DTNB: variants seen among roughly 807,000 people sequenced by gnomAD.
DTNB encodes the protein dystrobrevin beta, also known as DTN-B.
A neutral mutation model predicts 90.7 loss-of-function variants in DTNB; 63 were observed. The observed-to-expected ratio is 0.69, with a 90% CI of 0.57 to 0.86. The LOEUF (loss-of-function observed/expected upper bound fraction) is 0.86, where lower values mean the gene tolerates loss of function less well. Among genes scored for constraint, DTNB ranks in the 40% least tolerant of loss-of-function variants. The pLI is 0.00. For missense variants in DTNB, 744 were observed against 807.1 expected (o/e 0.92, Z 0.95); for synonymous variants, 277 against 286.7 (o/e 0.97, Z 0.34).
At chr2:25,635,726 T>G (rs1395059548) in intron 3 of DTNB, among the ~76,000 whole-genome samples, 1 of 152,210 alleles carries the variant, frequency 6.6e-6, no homozygotes, top group African/African-American at 2.4e-5. Context: ...TTGGTTTTAG[T>G]AGAAATTGGC....
At chr2:25,608,198 A>C (rs568655297) in intron 4 of DTNB, among the ~76,000 whole-genome samples, 2 of 152,364 alleles carry the variant, frequency 1.3e-5, no homozygotes, top group Non-Finnish European at 2.9e-5. Context: ...AGAGTAAAAC[A>C]CTTTTGCAAT....
chr2:25,584,237 T>A (rs11126114), intron 6 of DTNB, among the ~76,000 whole-genome samples: 1 of 152,150 alleles, frequency 6.6e-6, no homozygotes, highest in East Asian at 1.9e-4. Flanking sequence ...CCAGAGACAA[T>A]GTGACGAAGC....
intron 6 of DTNB, among the ~76,000 whole-genome samples, chr2:25,583,260 AAAAT>A (rs2061827985): frequency 6.9e-6 from 1 of 144,366 alleles, no homozygotes; most frequent in African/African-American, 2.6e-5. Flanking sequence ...AAAAAAAAAA[AAAAT>A]ATATATATAT....
intron 9 of DTNB, among the ~76,000 whole-genome samples, chr2:25,504,959 CTACTAACTTTCAAAGTGGGT>C (rs1408322449): frequency 1.3e-5 from 2 of 152,204 alleles, no homozygotes; most frequent in African/African-American, 4.8e-5. Context: ...TTCAAACTTA[CTACTAACTTTCAAAGTGGGT>C]TAGTTTGCTT....
At chr2:25,652,702 G>T in intron 1 of DTNB, 41 bp from the exon 2 acceptor site, 1 of 1,588,418 alleles carries the variant, frequency 6.3e-7, no homozygotes, top group East Asian at 2.2e-5. Flanking sequence ...TGTATAATTC[G>T]ACAATTCAAT....
intron 9 of DTNB, among the ~76,000 whole-genome samples, chr2:25,498,943 T>C (rs937984492): frequency 1.3e-5 from 2 of 149,446 alleles, no homozygotes; most frequent in African/African-American, 4.9e-5. Flanking sequence ...AGGTCAGGCA[T>C]GGTGGCTCAC....
chr2:25,522,057 G>A lies in DTNB; in HGVS notation c.1001+9416C>T, dbSNP rs1373657658. Among the ~76,000 whole-genome samples the A allele has an allele frequency of 3.3e-5, 5 of 152,192 alleles. No individual in the cohort carries two copies. The East Asian group carries it at 9.6e-4, about 29-fold the overall frequency. On this transcript the variant is annotated intron_variant, in intron 9 of 20. Transcript: ENST00000406818. ...GAAAATTAGCAAGAGCAAATTGCTT[G>A]AATTCGGATCACAGGAAGCCTGTTA...
intron 16 of DTNB, among the ~76,000 whole-genome samples, chr2:25,398,237 TC>T (rs2042889572): frequency 2.0e-5 from 3 of 152,228 alleles, no homozygotes; most frequent in African/African-American, 4.8e-5. Context: ...CAGACCCTCT[TC>T]CTGGGATCAT....
At chr2:25,507,699 C>T (rs2072827862) in intron 9 of DTNB, among the ~76,000 whole-genome samples, 1 of 152,168 alleles carries the variant, frequency 6.6e-6, no homozygotes, top group Non-Finnish European at 1.5e-5. Flanking sequence ...TCTACAGCGG[C>T]CAGAAAGAAC....
intron 4 of DTNB, among the ~76,000 whole-genome samples, chr2:25,627,792 A>T (rs1446406955): frequency 6.8e-6 from 1 of 146,732 alleles, no homozygotes; most frequent in African/African-American, 2.5e-5. Context: ...GCTGGAGTGC[A>T]GTGGTGCAAT....
intron 8 of DTNB, among the ~76,000 whole-genome samples, chr2:25,545,883 A>C (rs1026933397): frequency 2.0e-5 from 3 of 152,200 alleles, no homozygotes; most frequent in Non-Finnish European, 4.4e-5. Context: ...TGGCCCCCCA[A>C]AGTGCTGGGA....
rs537251952 is a variant in DTNB, at chr2:25,565,405, T to C, written c.876+11433A>G. 1.3e-3 allele frequency among the ~76,000 whole-genome samples: 200 copies of C among 152,238 alleles called. 1 individual carries two copies. The highest frequency in any genetic ancestry group is 3.5e-3 in the Admixed American group (54 of 15,284). On this transcript the variant is annotated intron_variant, in intron 8 of 20. Coordinates refer to ENST00000406818, the MANE Select transcript of DTNB (RefSeq NM_021907.5). Reference sequence around the variant, plus strand: ...GTGTACACCACCAAGCCCAGCTATTTTTTTTTCATTATTGTTATTATTTTG... The same window carrying C: ...GTGTACACCACCAAGCCCAGCTATTCTTTTTTCATTATTGTTATTATTTTG...
chr2:25,591,149 G>A (rs1347742226), intron 6 of DTNB, among the ~76,000 whole-genome samples: 10 of 152,208 alleles, frequency 6.6e-5, no homozygotes, highest in Non-Finnish European at 2.9e-5. Flanking sequence ...GGCAGCGGGA[G>A]CAGGGAGATG....
chr2:25,613,873 G>A (rs1275240578), intron 4 of DTNB, among the ~76,000 whole-genome samples: 1 of 152,100 alleles, frequency 6.6e-6, no homozygotes, highest in Non-Finnish European at 1.5e-5. Flanking sequence ...CAGGAGAATT[G>A]CTTGAACCCA....
chr2:25,652,602 A>G lies in DTNB; in HGVS notation c.59T>C (p.Ile20Thr), dbSNP rs1559394560. Reference sequence around the variant, plus strand: ...AAGGACTCAAGACTCACGCATTTCTATGAACAGCTGCCTCTTCTCTGCCAT... The same window carrying G: ...AAGGACTCAAGACTCACGCATTTCTGTGAACAGCTGCCTCTTCTCTGCCAT... ...KTMAEKRQLF[I>T]EMRAQNFDVI... Residue 20 changes from isoleucine to threonine, a missense_variant, in exon 2 of 21, where the codon ATA (isoleucine) becomes ACA (threonine). Ile to Thr is a moderately conservative substitution (Grantham distance 89). Coordinates refer to ENST00000406818, the MANE Select transcript of DTNB (RefSeq NM_021907.5). 6.2e-7 allele frequency: 1 copy of G among 1,612,162 alleles called. No homozygotes were observed. The highest frequency in any genetic ancestry group is 8.5e-7 in the Non-Finnish European group (1 of 1,179,586).
At chr2:25,473,968 C>G (rs759752624) in intron 10 of DTNB, among the ~76,000 whole-genome samples, 66 of 152,192 alleles carry the variant, frequency 4.3e-4, no homozygotes, top group Non-Finnish European at 7.6e-4. Context: ...TGGTCACGCT[C>G]AGGACCTCAA....
chr2:25,447,908 C>T (rs13390436), intron 12 of DTNB, among the ~76,000 whole-genome samples: 41,881 of 151,780 alleles, frequency 0.28, 7,261 homozygotes, highest in East Asian at 0.64. Context: ...TGCACGTAAC[C>T]GAGGTTTTGC....
At chr2:25,485,595 C>T (rs940952428) in intron 9 of DTNB, among the ~76,000 whole-genome samples, 1 of 152,038 alleles carries the variant, frequency 6.6e-6, no homozygotes, top group Non-Finnish European at 1.5e-5. Context: ...CATAACTGAC[C>T]CCCAAATGTC....
At chr2:25,588,513 A>C (rs2062887329) in intron 6 of DTNB, among the ~76,000 whole-genome samples, 1 of 151,980 alleles carries the variant, frequency 6.6e-6, no homozygotes, top group African/African-American at 2.4e-5. Context: ...CTACAGGCGC[A>C]CGCACCACGC....
Sources: gnomAD v4.1 joint callset for allele counts (sites outside exome capture counted in the v4.1 genomes callset) on GRCh38, gnomAD v4.1.1 for gene constraint, MANE v1.5 for transcripts, NCBI Gene and HGNC (gene_info 2026-07-23, HGNC 2026-07-21) for gene names.